The following GABRA3 variants were observed in gnomAD, a reference collection of about 807,000 sequenced individuals.
The protein encoded by GABRA3 is gamma-aminobutyric acid receptor subunit alpha-3.
Under a neutral mutation model 30.1 loss-of-function variants are expected in GABRA3, and 10 were observed. That is an observed-to-expected ratio of 0.33 (90% CI 0.20 to 0.56). The LOEUF is 0.56. Ranked by LOEUF, GABRA3 falls within the 20% of genes least tolerant of loss-of-function variation. GABRA3 has a pLI of 0.89. For missense variants in GABRA3, 233 were observed against 392.0 expected (o/e 0.59, Z 3.42); for synonymous variants, 151 against 146.8 (o/e 1.03, Z -0.21).
At chrX:152,296,685 GCTTTTCCTTTT>G (rs997809423) in intron 3 of GABRA3, among the ~76,000 whole-genome samples, 8 of 109,203 alleles carry the variant, frequency 7.3e-5, no homozygotes, top group Admixed American at 4.9e-4. Flanking sequence ...ATAATCAGCT[GCTTTTCCTTTT>G]CTTTCTCTTT....
intron 1 of GABRA3, among the ~76,000 whole-genome samples, chrX:152,421,928 G>A (rs975560714): frequency 4.1e-4 from 44 of 107,608 alleles, no homozygotes; most frequent in African/African-American, 1.5e-3. Context: ...AGAGCCATAA[G>A]ATCTTTCATA....
intron 3 of GABRA3, among the ~76,000 whole-genome samples, chrX:152,313,764 C>G (rs1476438950): frequency 8.9e-6 from 1 of 111,892 alleles, no homozygotes; most frequent in Non-Finnish European, 1.9e-5. Context: ...ATCAGTAGAA[C>G]TTGAGCTCTA....
rs1930621727 is a variant in GABRA3 at position 152,430,297 on chromosome X, C to T, written c.-27+20849G>A. Among the ~76,000 whole-genome samples the T allele has an allele frequency of 2.7e-5, 3 of 111,692 alleles. No homozygotes were observed. In the South Asian group the frequency reaches 1.1e-3, roughly 42 times the overall value. On this transcript the variant is annotated intron_variant, in intron 1 of 9. Coordinates refer to ENST00000370314, the MANE Select transcript of GABRA3 (RefSeq NM_000808.4). ...GGTTGGAGAGAATAAAACCACTTACCCACTGGGAAACAGGAAGAGGCAGCC... is the reference window on the plus strand; with the variant it reads ...GGTTGGAGAGAATAAAACCACTTACTCACTGGGAAACAGGAAGAGGCAGCC...
intron 3 of GABRA3, among the ~76,000 whole-genome samples, chrX:152,292,110 C>T (rs183725945): frequency 9.0e-6 from 1 of 111,582 alleles, no homozygotes; most frequent in African/African-American, 3.3e-5. Context: ...CCTCTTTGTA[C>T]CTCTGGTGAA....
chrX:152,181,077 A>G (rs941192770), intron 9 of GABRA3, among the ~76,000 whole-genome samples: 1 of 4,896 alleles, frequency 2.0e-4, no homozygotes, highest in Non-Finnish European at 3.4e-4. Context: ...TCTATTAAAA[A>G]TGACATTGGA....
chrX:152,229,478 A>G (rs149864409), intron 5 of GABRA3, among the ~76,000 whole-genome samples: 2,645 of 110,752 alleles, frequency 0.024, 43 homozygotes, highest in Middle Eastern at 0.065. Context: ...TTTAGCAGGT[A>G]CCTCACTGAG....
intron 5 of GABRA3, among the ~76,000 whole-genome samples, chrX:152,233,746 C>T (rs1456969489): frequency 9.6e-6 from 1 of 104,349 alleles, no homozygotes; most frequent in Non-Finnish European, 2.0e-5. Flanking sequence ...CACATGCACA[C>T]GTATGTTTAT....
At chrX:152,258,328 A>G (rs1480159965) in intron 4 of GABRA3, among the ~76,000 whole-genome samples, 1 of 111,864 alleles carries the variant, frequency 8.9e-6, no homozygotes, top group East Asian at 2.8e-4. Context: ...TATGAAAGAG[A>G]TATTAGTGAA....
At chrX:152,328,666 C>T (rs1940108521) in intron 3 of GABRA3, among the ~76,000 whole-genome samples, 1 of 111,726 alleles carries the variant, frequency 9.0e-6, no homozygotes, top group Non-Finnish European at 1.9e-5. Flanking sequence ...ATGCTAAAAA[C>T]TCCCAATAAA....
At chrX:152,262,055 C>A (rs961822101) in intron 4 of GABRA3, among the ~76,000 whole-genome samples, 1 of 112,448 alleles carries the variant, frequency 8.9e-6, no homozygotes, top group East Asian at 2.8e-4. Context: ...TTGGGGCTTG[C>A]ACCGTCTGAA....
intron 1 of GABRA3, among the ~76,000 whole-genome samples, chrX:152,442,449 A>C (rs1930957260): frequency 9.4e-6 from 1 of 106,937 alleles, no homozygotes; most frequent in Admixed American, 1.0e-4. Flanking sequence ...ATTTCAGCAA[A>C]GTGAAAAAAA....
chrX:152,317,331 T>C (rs1271004388), intron 3 of GABRA3, among the ~76,000 whole-genome samples: 1 of 111,663 alleles, frequency 9.0e-6, no homozygotes, highest in Non-Finnish European at 1.9e-5. Context: ...CGATTACTAC[T>C]AGACCTAAGA....
At chrX:152,352,187 C>T (rs1569405038) in intron 2 of GABRA3, among the ~76,000 whole-genome samples, 1 of 110,880 alleles carries the variant, frequency 9.0e-6, no homozygotes, top group Non-Finnish European at 1.9e-5. Context: ...AGGGTTGCCA[C>T]AAACATTCAA....
At chrX:152,232,523 T>C (rs182851178) in intron 5 of GABRA3, among the ~76,000 whole-genome samples, 33 of 110,230 alleles carry the variant, frequency 3.0e-4, no homozygotes, top group Non-Finnish European at 5.5e-4. Context: ...TATTTGACTT[T>C]CTGTTTCTTA....
intron 1 of GABRA3, among the ~76,000 whole-genome samples, chrX:152,369,527 G>A (rs140908917): frequency 0.011 from 1,187 of 111,250 alleles, 9 homozygotes; most frequent in Non-Finnish European, 0.018. Context: ...TCCTGCACCA[G>A]GGCCTTTGCA....
chrX:152,308,825 A>G (rs1178045188), intron 3 of GABRA3, among the ~76,000 whole-genome samples: 1 of 112,390 alleles, frequency 8.9e-6, no homozygotes, highest in Non-Finnish European at 1.9e-5. Flanking sequence ...CAGACATAGA[A>G]TTCAGCATGC....
At chrX:152,267,273 TG>T (rs1938843678) in intron 4 of GABRA3, among the ~76,000 whole-genome samples, 1 of 112,304 alleles carries the variant, frequency 8.9e-6, no homozygotes, top group Non-Finnish European at 1.9e-5. Flanking sequence ...AATAATCACA[TG>T]GGTTTTTGTT....
At chrX:152,318,071 G>T (rs931225312) in intron 3 of GABRA3, among the ~76,000 whole-genome samples, 1 of 111,366 alleles carries the variant, frequency 9.0e-6, no homozygotes, top group Non-Finnish European at 1.9e-5. Context: ...TCATTAGCAA[G>T]ATTAACCAAA....
At chrX:152,363,276 C>T (rs942748782) in intron 2 of GABRA3, among the ~76,000 whole-genome samples, 1 of 111,776 alleles carries the variant, frequency 8.9e-6, no homozygotes, top group Non-Finnish European at 1.9e-5. Flanking sequence ...TTGCAGAAAG[C>T]ATAGTCATAA....
Sources: gnomAD v4.1 joint callset for allele counts (sites outside exome capture counted in the v4.1 genomes callset) on GRCh38, gnomAD v4.1.1 for gene constraint, MANE v1.5 for transcripts, NCBI Gene and HGNC (gene_info 2026-07-23, HGNC 2026-07-21) for gene names.